Variants in THSD7A observed in about 807,000 individuals in gnomAD.
THSD7A encodes the protein thrombospondin type-1 domain-containing protein 7A.
A neutral mutation model predicts 231.3 loss-of-function variants in THSD7A; 96 were observed. The ratio of observed to expected loss-of-function variants is 0.41; its 90% confidence interval spans 0.35 to 0.49. THSD7A has a LOEUF of 0.49. Among genes scored for constraint, THSD7A ranks in the 20% least tolerant of loss-of-function variants. THSD7A has a pLI of 0.05. For synonymous variants in THSD7A, 940 were observed against 743.3 expected (o/e 1.26, Z -4.30); for missense variants, 2,290 against 2,070.2 (o/e 1.11, Z -2.06).
chr7:11,712,293 T>G (rs534965522), intron 1 of THSD7A, among the ~76,000 whole-genome samples: 1 of 151,116 alleles, frequency 6.6e-6, no homozygotes, highest in African/African-American at 2.4e-5. Flanking sequence ...CATTCCACAG[T>G]CGAGTACTAT....
At chr7:11,764,527 G>A (rs1054108513) in intron 1 of THSD7A, among the ~76,000 whole-genome samples, 21 of 145,986 alleles carry the variant, frequency 1.4e-4, no homozygotes, top group East Asian at 4.0e-4. Flanking sequence ...CCGAGATAGC[G>A]CCACTGCAGT....
intron 1 of THSD7A, among the ~76,000 whole-genome samples, chr7:11,672,418 A>G (rs968762653): frequency 4.6e-5 from 7 of 152,160 alleles, no homozygotes; most frequent in Non-Finnish European, 1.0e-4. Context: ...CTTTCACTCT[A>G]TATTTAAAAC....
At position 11,578,692 on chromosome 7, in the gene THSD7A, T is replaced by C. The variant is rs568207678; in HGVS notation, c.1453+11768A>G. 4.6e-5 allele frequency among the ~76,000 whole-genome samples: 7 copies of C among 152,326 alleles called. No homozygotes were observed. In the East Asian group the frequency reaches 7.7e-4, roughly 17 times the overall value. ...AGGAAGATGATTAAGGTCTTGTAAT[T>C]TGAAAAATATTCTTTAAAAGAGGAG... On this transcript the variant is annotated intron_variant, in intron 4 of 27. Coordinates refer to ENST00000423059, the MANE Select transcript of THSD7A (RefSeq NM_015204.3).
At chr7:11,737,175 A>G (rs1178947128) in intron 1 of THSD7A, among the ~76,000 whole-genome samples, 1 of 152,050 alleles carries the variant, frequency 6.6e-6, no homozygotes, top group East Asian at 1.9e-4. Context: ...GCACTTTAGT[A>G]TTTATTTCAT....
chr7:11,553,764 C>A (rs1277464607), intron 4 of THSD7A, among the ~76,000 whole-genome samples: 1 of 151,926 alleles, frequency 6.6e-6, no homozygotes, highest in African/African-American at 2.4e-5. Flanking sequence ...TGATGCATTT[C>A]TGTGGTTCTG....
intron 1 of THSD7A, among the ~76,000 whole-genome samples, chr7:11,756,117 C>T (rs116603209): frequency 0.016 from 2,475 of 152,142 alleles, 52 homozygotes; most frequent in African/African-American, 0.056. Flanking sequence ...GCAGAATGTA[C>T]CAGGTTATTC....
intron 2 of THSD7A, among the ~76,000 whole-genome samples, chr7:11,627,345 A>G (rs771555502): frequency 1.3e-4 from 20 of 152,078 alleles, no homozygotes; most frequent in Non-Finnish European, 2.8e-4. Context: ...TCATACATAT[A>G]AATATATATG....
At chr7:11,529,169 A>C (rs1788599537) in intron 6 of THSD7A, among the ~76,000 whole-genome samples, 1 of 152,148 alleles carries the variant, frequency 6.6e-6, no homozygotes, top group Non-Finnish European at 1.5e-5. Context: ...AACTCACATA[A>C]TCTTGTTCTA....
chr7:11,510,144 C>A (rs4720992), intron 6 of THSD7A, among the ~76,000 whole-genome samples: 1 of 152,094 alleles, frequency 6.6e-6, no homozygotes, highest in Non-Finnish European at 1.5e-5. Flanking sequence ...GGAACCAACC[C>A]AAATGCCGAT....
At chr7:11,654,311 TTGAG>T (rs1302334349) in intron 1 of THSD7A, among the ~76,000 whole-genome samples, 1 of 151,924 alleles carries the variant, frequency 6.6e-6, no homozygotes, top group Non-Finnish European at 1.5e-5. Context: ...TTGATCAATG[TTGAG>T]TATTTCTAAT....
intron 1 of THSD7A, among the ~76,000 whole-genome samples, chr7:11,722,449 T>G (rs537260719): frequency 5.3e-5 from 8 of 151,896 alleles, no homozygotes; most frequent in Non-Finnish European, 1.2e-4. Context: ...TTTCTTAGAC[T>G]TTTGCATTCT....
intron 1 of THSD7A, among the ~76,000 whole-genome samples, chr7:11,732,239 C>A (rs1239279912): frequency 6.6e-6 from 1 of 151,672 alleles, no homozygotes; most frequent in Non-Finnish European, 1.5e-5. Flanking sequence ...CTTTGGTTAT[C>A]CTACTGGAGT....
intron 1 of THSD7A, among the ~76,000 whole-genome samples, chr7:11,809,394 A>G (rs1784472537): frequency 6.6e-6 from 1 of 152,162 alleles, no homozygotes; most frequent in African/African-American, 2.4e-5. Context: ...ATCTTCTACT[A>G]TTATAGTTGT....
rs369727630 is a variant in THSD7A at position 11,690,999 on chromosome 7, A to G, written c.191-54038T>C. Among the ~76,000 whole-genome samples the G allele has an allele frequency of 6.8e-4, 103 of 151,806 alleles. 2 individuals are homozygous for G. Among genetic ancestry groups the G allele is most frequent in the African/African-American group, 2.3e-3 (94 of 41,510 alleles). On this transcript the variant is annotated intron_variant, in intron 1 of 27. Coordinates refer to ENST00000423059, the MANE Select transcript of THSD7A (RefSeq NM_015204.3). ...ACTGTTTTTAAAAAAGGCAGCTGACATTTTCATCATATTTTTGGAAGAAAT... is the reference window on the plus strand; with the variant it reads ...ACTGTTTTTAAAAAAGGCAGCTGACGTTTTCATCATATTTTTGGAAGAAAT...
chr7:11,767,174 A>C (rs1783056628), intron 1 of THSD7A, among the ~76,000 whole-genome samples: 1 of 152,198 alleles, frequency 6.6e-6, no homozygotes, highest in Non-Finnish European at 1.5e-5. Flanking sequence ...TACACTGTAC[A>C]TTCATTGTTT....
At chr7:11,643,285 C>T (rs1380536580) in intron 1 of THSD7A, among the ~76,000 whole-genome samples, 1 of 152,010 alleles carries the variant, frequency 6.6e-6, no homozygotes. Flanking sequence ...TTGAATGCTA[C>T]AGAACATCTT....
intron 1 of THSD7A, among the ~76,000 whole-genome samples, chr7:11,733,904 C>T (rs1781819058): frequency 6.6e-6 from 1 of 151,862 alleles, no homozygotes; most frequent in Non-Finnish European, 1.5e-5. Flanking sequence ...TCTCCCTCTA[C>T]ACTCCTATGT....
intron 1 of THSD7A, among the ~76,000 whole-genome samples, chr7:11,688,170 C>T (rs1780119627): frequency 1.4e-5 from 2 of 146,986 alleles, no homozygotes; most frequent in Admixed American, 1.4e-4. Context: ...GGTTTTTTGT[C>T]CTTGTGATAG....
chr7:11,473,267 A>G (rs1562637624), intron 8 of THSD7A, among the ~76,000 whole-genome samples: 3 of 152,204 alleles, frequency 2.0e-5, no homozygotes, highest in Non-Finnish European at 4.4e-5. Flanking sequence ...CATTATTTTC[A>G]TTTTCTTGGA....
Sources: allele counts gnomAD v4.1 joint callset (sites outside exome capture counted in the v4.1 genomes callset), GRCh38; gene constraint gnomAD v4.1.1; transcripts MANE v1.5; gene names NCBI Gene and HGNC (gene_info 2026-07-23, HGNC 2026-07-21).